The following CARS1 variants were observed in gnomAD, a reference collection of about 807,000 sequenced individuals.
CARS1 encodes the protein cysteinyl-tRNA synthetase 1.
CARS1 carries 48 observed loss-of-function variants against 106.2 expected under a neutral mutation model. The ratio of observed to expected loss-of-function variants is 0.45; its 90% CI spans 0.36 to 0.57. The LOEUF is 0.57. CARS1 is among the 20% of genes least tolerant of loss of function. The pLI is 0.00. For synonymous variants in CARS1, 409 were observed against 403.4 expected (o/e 1.01, Z -0.17); for missense variants, 968 against 1,057.2 (o/e 0.92, Z 1.17).
In CARS1 at chr11:3,019,340, A is replaced by C; in HGVS notation, c.1267-73T>G. The C allele has an allele frequency of 4.5e-6, 6 of 1,326,282 alleles. No individual in the cohort carries two copies. The highest frequency in any genetic ancestry group is 4.9e-6 in the Non-Finnish European group (5 of 1,027,684). 82.2% of individuals were successfully genotyped at this position (1,326,282 alleles called of 1,614,324 possible). On this transcript the variant is annotated intron_variant, in intron 11 of 22. Transcript: ENST00000380525. This position sits in a 1 kb window ranked among gnomAD's most constrained non-coding sequence, Gnocchi z 6.2. ...CAGGCCTTTATCACTTATCACTCCA[A>C]GTTGATGGCCCTTACATCCTCTGAA...
chr11:3,029,597 A>C lies in CARS1; in HGVS notation c.802-154T>G. 1.4e-6 allele frequency: 1 copy of C among 719,544 alleles called. No homozygotes were observed. The highest frequency in any genetic ancestry group is 2.2e-6 in the Non-Finnish European group (1 of 446,240). The allele number at this position is 719,544 out of a possible 1,614,324, so 44.6% of individuals were successfully genotyped here. ...GTCTCCTAGGGAGACTGTGATGCTT[A>C]CACAACTGGCTCGGCAGGGACAAAT... On this transcript the variant is annotated intron_variant, in intron 7 of 22. Coordinates refer to ENST00000380525, the MANE Select transcript of CARS1 (RefSeq NM_001014437.3). The surrounding 1 kb of genome is among the most constrained non-coding windows in gnomAD (Gnocchi z 5.9).
chr11:3,027,559 T>C (rs1443191738), intron 9 of CARS1: 1 of 213,970 alleles, frequency 4.7e-6, no homozygotes, highest in Non-Finnish European at 9.9e-6. Flanking sequence ...TTAGATATGA[T>C]TATATATGAA....
rs1384527790 is a variant in CARS1 at position 3,045,390 on chromosome 11, G to A, written c.274+2363C>T. Among the ~76,000 whole-genome samples the A allele has an allele frequency of 5.9e-5, 9 of 152,174 alleles. No homozygotes were observed. The highest frequency in any genetic ancestry group is 2.6e-4 in the Admixed American group (4 of 15,302). ...GGCCATTCTCCTGCCTCAGCCTCCC[G>A]AGTAGCTGGGACTATAGGCACCCGC... On this transcript the variant is annotated intron_variant, in intron 2 of 22. Coordinates refer to ENST00000380525, the MANE Select transcript of CARS1 (RefSeq NM_001014437.3). This position sits in a 1 kb window ranked among gnomAD's most constrained non-coding sequence, Gnocchi z 5.6.
At chr11:3,056,517 C>T (rs557310705) in intron 1 of CARS1, among the ~76,000 whole-genome samples, 31 of 152,194 alleles carry the variant, frequency 2.0e-4, no homozygotes, top group Admixed American at 1.0e-3. Context: ...CCCTGGGGAA[C>T]CTCCCGGGTT....
chr11:3,039,109 C>A lies in CARS1; in HGVS notation c.651+85G>T. On this transcript the variant is annotated intron_variant, in intron 6 of 22. Coordinates refer to ENST00000380525, the MANE Select transcript of CARS1 (RefSeq NM_001014437.3). The surrounding 1 kb of genome is among the most constrained non-coding windows in gnomAD (Gnocchi z 5.6). ...ACTTTGTGAAAGCCTGTGAGACTGACACTACCCTAGGGACAGTAGCCTACA... is the reference window on the plus strand; with the variant it reads ...ACTTTGTGAAAGCCTGTGAGACTGAAACTACCCTAGGGACAGTAGCCTACA... 2.4e-6 allele frequency: 2 copies of A among 834,042 alleles called. No individual in the cohort carries two copies. The highest frequency in any genetic ancestry group is 3.0e-5 in the South Asian group (2 of 65,630). The allele number at this position is 834,042 out of a possible 1,614,324, so 51.7% of individuals were successfully genotyped here. A position where few individuals can be genotyped will look rare whatever the true frequency, so the allele number is the denominator to read the frequency against.
rs1284810972 is a variant in CARS1, at chr11:3,029,434, C to T, written c.811G>A (p.Glu271Lys). Reference protein sequence around the residue: ...EVNSCVEVLLEEAKDLLSDWL... With the variant: ...EVNSCVEVLLKEAKDLLSDWL... ...TCAGAGAGCAAATCCTTGGCTTCTTCCAGCAACACCTGAAGAGAAAGAAAC... is the reference window on the plus strand; with the variant it reads ...TCAGAGAGCAAATCCTTGGCTTCTTTCAGCAACACCTGAAGAGAAAGAAAC... Residue 271 changes from glutamate (E) to lysine (K), a missense_variant, in exon 8 of 23, where the codon GAA becomes AAA. Coordinates refer to ENST00000380525, the MANE Select transcript of CARS1 (RefSeq NM_001014437.3). This position sits in a 1 kb window ranked among gnomAD's most constrained non-coding sequence, Gnocchi z 5.9. 1 of 1,613,836 alleles carries T rather than the reference C, an allele frequency of 6.2e-7. No homozygotes were observed. Among genetic ancestry groups the T allele is most frequent in the East Asian group, 2.2e-5 (1 of 44,878 alleles).
chr11:3,015,126 A>T (rs1164830958), intron 17 of CARS1, among the ~76,000 whole-genome samples: 2 of 152,214 alleles, frequency 1.3e-5, no homozygotes, highest in Non-Finnish European at 2.9e-5. Context: ...CTCACATGCC[A>T]ACTGCAAACA....
chr11:3,010,566 C>A (rs1201787535), intron 18 of CARS1, among the ~76,000 whole-genome samples: 1 of 152,244 alleles, frequency 6.6e-6, no homozygotes, highest in Non-Finnish European at 1.5e-5. Context: ...CCCACCGCTG[C>A]CTGTTAGGGG....
chr11:3,054,996 G>C, intron 1 of CARS1: 1 of 702,502 alleles, frequency 1.4e-6, no homozygotes, highest in African/African-American at 1.7e-5. Context: ...CAGGCTCTTG[G>C]ACAGGCACCA....
chr11:3,030,102 G>A lies in CARS1; in HGVS notation c.802-659C>T, dbSNP rs1852558473. On this transcript the variant is annotated intron_variant, in intron 7 of 22. Transcript: ENST00000380525. This position sits in a 1 kb window ranked among gnomAD's most constrained non-coding sequence, Gnocchi z 5.7. ...GAAATGTCTACCCTCCGCCATCTTG[G>A]AGGGACCTAGAGTCTCAATGCACTG... 1 of 152,264 alleles carries A rather than the reference G, an allele frequency of 6.6e-6. No individual in the cohort carries two copies. The highest frequency in any genetic ancestry group is 1.5e-5 in the Non-Finnish European group (1 of 68,158). The allele number at this position is 152,264 out of a possible 1,614,324, so 9.4% of individuals were successfully genotyped here. A position where few individuals can be genotyped will look rare whatever the true frequency, so the allele number is the denominator to read the frequency against.
At chr11:3,024,155 T>G (rs1045391176) in intron 10 of CARS1, among the ~76,000 whole-genome samples, 19 of 152,252 alleles carry the variant, frequency 1.2e-4, no homozygotes, top group Non-Finnish European at 2.4e-4. Context: ...CCTCCCAAAG[T>G]GCTGGGATTA....
At position 3,030,800 on chromosome 11, in the gene CARS1, C is replaced by G. The variant is rs1381017147; in HGVS notation, c.802-1357G>C. 1 of 152,234 alleles carries G rather than the reference C, an allele frequency of 6.6e-6. No individual in the cohort carries two copies. The highest frequency in any genetic ancestry group is 2.4e-5 in the African/African-American group (1 of 41,458). The allele number at this position is 152,234 out of a possible 1,614,324, so 9.4% of individuals were successfully genotyped here. ...GGGACAGGCCAGCAAAGCGGCCCAG[C>G]TGGATCTGAAAATAGAAGCAAACGG... is the stretch of plus-strand genomic sequence containing the variant. On this transcript the variant is annotated intron_variant, in intron 7 of 22. Transcript: ENST00000380525. This position sits in a 1 kb window ranked among gnomAD's most constrained non-coding sequence, Gnocchi z 5.7.
chr11:3,020,763 G>A lies in CARS1; in HGVS notation c.1154-431C>T, dbSNP rs1259005463. 6.6e-6 allele frequency among the ~76,000 whole-genome samples: 1 copy of A among 152,220 alleles called. No homozygotes were observed. Among genetic ancestry groups the A allele is most frequent in the Admixed American group, 6.5e-5 (1 of 15,280 alleles). On this transcript the variant is annotated intron_variant, in intron 10 of 22. Transcript: ENST00000380525. This position sits in a 1 kb window ranked among gnomAD's most constrained non-coding sequence, Gnocchi z 4.6. ...CATGCGGGTGGGGTCAATATGTCAA[G>A]GGCCCGCACAACTATCTGCTTATGG...
intron 18 of CARS1, chr11:3,007,757 G>A (rs1396538074): frequency 6.6e-6 from 1 of 152,194 alleles, no homozygotes; most frequent in Non-Finnish European, 1.5e-5. Flanking sequence ...TCAGAGCGCA[G>A]CAGTGCAGAC....
In CARS1 at chr11:3,029,028, G is replaced by A. The variant is rs758932224; in HGVS notation, c.999C>T (p.Asn333=). Reference sequence around the variant, plus strand: ...CGTTGTCCACAATCTTCTGGACAAAGTTCACAATTTCTGGCACATACTCAC... The same window carrying A: ...CGTTGTCCACAATCTTCTGGACAAAATTCACAATTTCTGGCACATACTCAC... The part of the protein sequence containing the change: ...RVSEYVPEIV[N]FVQKIVDNGY... The change falls in exon 9 of 23, where the codon AAC becomes AAT. Residue 333 remains asparagine (N), a synonymous_variant. Transcript: ENST00000380525. This position sits in a 1 kb window ranked among gnomAD's most constrained non-coding sequence, Gnocchi z 5.9. 4.3e-6 allele frequency: 7 copies of A among 1,614,038 alleles called. No individual in the cohort carries two copies. The highest frequency in any genetic ancestry group is 5.9e-6 in the Non-Finnish European group (7 of 1,179,896).
At chr11:3,055,531 G>A (rs948157632) in intron 1 of CARS1, among the ~76,000 whole-genome samples, 1 of 152,214 alleles carries the variant, frequency 6.6e-6, no homozygotes, top group African/African-American at 2.4e-5. Context: ...CATGCCCTGG[G>A]GCAGAAGAAC....
chr11:3,008,988 C>G lies in CARS1; in HGVS notation c.2069-2029G>C, dbSNP rs1261571946. ...ATCATCAGAGCAGGCACCAAGAAAGCCTCCCGGGCCACACTCCCTGGGGGA... is the reference window on the plus strand; with the variant it reads ...ATCATCAGAGCAGGCACCAAGAAAGGCTCCCGGGCCACACTCCCTGGGGGA... On this transcript the variant is annotated intron_variant, in intron 18 of 22. Transcript: ENST00000380525. This position sits in a 1 kb window ranked among gnomAD's most constrained non-coding sequence, Gnocchi z 5.1. 1 of 152,516 alleles carries G rather than the reference C, an allele frequency of 6.6e-6. No individual in the cohort carries two copies. The highest frequency in any genetic ancestry group is 2.1e-4 in the South Asian group (1 of 4,818). 9.4% of individuals were successfully genotyped at this position (152,516 alleles called of 1,614,324 possible).
rs979109046 is a variant in CARS1 at position 3,040,482 on chromosome 11, A to G, written c.455+414T>C. On this transcript the variant is annotated intron_variant, in intron 4 of 22. Coordinates refer to ENST00000380525, the MANE Select transcript of CARS1 (RefSeq NM_001014437.3). The surrounding 1 kb of genome is among the most constrained non-coding windows in gnomAD (Gnocchi z 5.8). ...CAGCTACTCGTCAGGAGCTACAGCC[A>G]TGACCATCCAGTGGTCGGGGGGCGG... is the stretch of plus-strand genomic sequence containing the variant. 6.4e-6 allele frequency: 3 copies of G among 469,690 alleles called. No homozygotes were observed. The highest frequency in any genetic ancestry group is 4.7e-5 in the Admixed American group (2 of 42,730). The allele number at this position is 469,690 out of a possible 1,614,324, so 29.1% of individuals were successfully genotyped here. A position where few individuals can be genotyped will look rare whatever the true frequency, so the allele number is the denominator to read the frequency against.
intron 17 of CARS1, among the ~76,000 whole-genome samples, chr11:3,014,863 T>C (rs1432307260): frequency 6.6e-6 from 1 of 152,252 alleles, no homozygotes; most frequent in Non-Finnish European, 1.5e-5. Context: ...GCATGGGGGC[T>C]CTTCACACCA....
Sources: gnomAD v4.1 joint callset for allele counts (sites outside exome capture counted in the v4.1 genomes callset) on GRCh38, gnomAD v4.1.1 for gene constraint, Gnocchi (gnomAD v3.1) non-coding constraint, MANE v1.5 for transcripts, NCBI Gene and HGNC (gene_info 2026-07-23, HGNC 2026-07-21) for gene names.